The following SCAP variants were observed in gnomAD, a reference collection of about 807,000 sequenced individuals.
The protein encoded by SCAP is SREBF chaperone, also known as sterol regulatory element-binding protein cleavage-activating protein.
Under a neutral mutation model 123.6 loss-of-function variants are expected in SCAP, and 65 were observed. That is an observed-to-expected ratio of 0.53 (90% CI 0.43 to 0.65). The LOEUF (loss-of-function observed/expected upper bound fraction) is 0.65, where lower values mean the gene tolerates loss of function less well. Among genes scored for constraint, SCAP ranks in the 30% least tolerant of loss-of-function variants. SCAP has a pLI of 0.00. For missense variants in SCAP, 1,398 were observed against 1,712.5 expected, an observed-to-expected ratio of 0.82 and a Z score of 3.24; for synonymous variants, 740 against 726.3, an observed-to-expected ratio of 1.02 and a Z score of -0.30.
At chr3:47,443,341 T>A (rs957485504) in intron 1 of SCAP, 25 of 222,252 alleles carry the variant, frequency 1.1e-4, no homozygotes, top group Non-Finnish European at 2.0e-4. Flanking sequence ...CCCTCCTATA[T>A]TAGGCAATGC....
At chr3:47,417,072 C>T in intron 18 of SCAP, 50 bp downstream of exon 18, 2 of 1,543,320 alleles carry the variant, frequency 1.3e-6, no homozygotes, top group Admixed American at 1.7e-5. Context: ...AGAGTATGGC[C>T]TAGCCAACAA....
chr3:47,469,184 C>CA lies in SCAP; in HGVS notation c.-99+6614dup, dbSNP rs537108959. ...CCAACATGGTGAAACCCTATCTCTACAAAAAATACAAAAATTAGCCGGGTG... is the reference window on the plus strand; with the variant it reads ...CCAACATGGTGAAACCCTATCTCTACAAAAAAATACAAAAATTAGCCGGGTG... On this transcript the variant is annotated intron_variant, in intron 1 of 22. Coordinates refer to ENST00000265565, the MANE Select transcript of SCAP (RefSeq NM_012235.4). Among the ~76,000 whole-genome samples the CA allele has an allele frequency of 1.2e-3, 183 of 152,232 alleles. 2 individuals carry two copies. The South Asian group carries it at 0.037, about 31-fold the overall frequency.
chr3:47,472,420 G>A (rs1418846663), intron 1 of SCAP, among the ~76,000 whole-genome samples: 3 of 146,752 alleles, frequency 2.0e-5, no homozygotes, highest in Non-Finnish European at 3.0e-5. Context: ...CGGCCTGGGC[G>A]ACAGAGCGAG....
chr3:47,442,969 C>T lies in SCAP; in HGVS notation c.25G>A (p.Glu9Lys), dbSNP rs1412945953. The change falls in exon 2 of 23, where the codon GAG becomes AAG. Residue 9 changes from glutamate to lysine, a missense_variant. Around this residue, in one of 7 missense-constraint regions of SCAP, gnomAD observed 319 missense variants for 432.4 expected, o/e 0.74. Transcript: ENST00000265565. ...TTGTAGAAGGCCCGAGATATCTTCT[C>T]ACGCAGCCTTTCAGTCAGGGTCATC... MTLTERLR[E>K]KISRAFYNHG... The T allele has an allele frequency of 2.5e-6, 4 of 1,614,084 alleles. No homozygotes were observed. The highest frequency in any genetic ancestry group is 1.1e-5 in the South Asian group (1 of 91,078).
At chr3:47,443,207 A>T in intron 1 of SCAP, 116 bp from the exon 2 acceptor site, 4 of 593,090 alleles carry the variant, frequency 6.7e-6, no homozygotes, top group Non-Finnish European at 8.3e-6. Context: ...GCCTATATGC[A>T]AGGTCTAGTG....
chr3:47,469,304 G>A (rs772531598), intron 1 of SCAP, among the ~76,000 whole-genome samples: 7 of 152,168 alleles, frequency 4.6e-5, no homozygotes, highest in African/African-American at 7.2e-5. Context: ...CAGAGACCAC[G>A]CCGTTGCATT....
intron 1 of SCAP, among the ~76,000 whole-genome samples, chr3:47,467,497 TG>T (rs1707868378): frequency 6.6e-6 from 1 of 151,738 alleles, no homozygotes; most frequent in Non-Finnish European, 1.5e-5. Context: ...CCCAGCTACT[TG>T]GAAGACTGAG....
chr3:47,418,414 C>T lies in SCAP; in HGVS notation c.2238G>A (p.Gly746=). 1 of 1,578,320 alleles carries T rather than the reference C, an allele frequency of 6.3e-7. No individual in the cohort carries two copies. Among genetic ancestry groups the T allele is most frequent in the South Asian group, 1.1e-5 (1 of 87,134 alleles). The change falls in exon 15 of 23, where the codon GGG becomes GGA. Residue 746 remains glycine, a synonymous_variant. Coordinates refer to ENST00000265565, the MANE Select transcript of SCAP (RefSeq NM_012235.4). ...AGGGCAGCTCCCCGCGCCTCCGCCG[C>T]CCGGGCCCACCACCCAGCTGCCCGT... ...RNYGQLGGGP[G]RRRRGELPCD...
At chr3:47,425,877 T>A (rs1706105596) in intron 7 of SCAP, 120 bp downstream of exon 7, 2 of 1,168,352 alleles carry the variant, frequency 1.7e-6, no homozygotes, top group African/African-American at 3.1e-5. Context: ...CTAGCTCTGA[T>A]GACCACCAGG....
At position 47,435,062 on chromosome 3, in the gene SCAP, G is replaced by A. The variant is rs756719335; in HGVS notation, c.198C>T (p.Pro66=). Residue 66 remains proline, a synonymous_variant, in exon 3 of 23, where the codon CCC becomes CCT. Transcript: ENST00000265565. ...EFTTPVKDYS[P]PPVDSDRKQG... is the part of the protein sequence containing the mutation. ...GTTTGCGGTCAGAGTCCACAGGTGG[G>A]GGCGAGTAATCCTTCACAGGGGTGG... 6.2e-7 allele frequency: 1 copy of A among 1,614,024 alleles called. No homozygotes were observed. The highest frequency in any genetic ancestry group is 1.7e-5 in the Admixed American group (1 of 59,988).
At position 47,414,072 on chromosome 3, in the gene SCAP, C is replaced by T. The variant is rs371906022; in HGVS notation, c.3622G>A (p.Val1208Ile). ...QDLGCGASLG[V>I]ISDNLLVTGG... ...GTCACCAGCAGGTTGTCTGAGATGA[C>T]ACCCAAGCTTGCACCACAGCCCAGG... The change falls in exon 23 of 23, where the codon GTC (valine) becomes ATC (isoleucine). Residue 1208 changes from valine to isoleucine, a missense_variant. Around this residue, in one of 7 missense-constraint regions of SCAP, gnomAD observed 130 missense variants for 166.7 expected, o/e 0.78. Transcript: ENST00000265565. 15 of 1,613,402 alleles carry T rather than the reference C, an allele frequency of 9.3e-6. No homozygotes were observed. The highest frequency in any genetic ancestry group is 3.3e-4 in the Middle Eastern group (2 of 6,062).
chr3:47,414,157 C>G lies in SCAP; in HGVS notation c.3594+23G>C, dbSNP rs769791731. On this transcript the variant is annotated intron_variant, in intron 22 of 22. Coordinates refer to ENST00000265565, the MANE Select transcript of SCAP (RefSeq NM_012235.4). ...AGTCCTTCCCTAAAATCCCAAGAAT[C>G]CTATGATCCCCATCCCCTCTACCTG... is the stretch of plus-strand genomic sequence containing the variant. 1.1e-5 allele frequency: 17 copies of G among 1,613,644 alleles called. No homozygotes were observed. The East Asian group carries it at 3.6e-4, about 34-fold the overall frequency.
intron 10 of SCAP, among the ~76,000 whole-genome samples, chr3:47,422,142 C>T (rs1004969783): frequency 8.5e-5 from 13 of 152,280 alleles, no homozygotes; most frequent in Non-Finnish European, 1.9e-4. Context: ...GCAGCCTCCT[C>T]CTGCCACTTG....
chr3:47,430,756 C>T (rs374873133), intron 3 of SCAP, among the ~76,000 whole-genome samples: 2 of 152,296 alleles, frequency 1.3e-5, no homozygotes, highest in South Asian at 2.1e-4. Flanking sequence ...CCCTAGACAG[C>T]GGTGTACTGC....
Position 47,419,411 on chromosome 3 carries a change from A to T in SCAP, c.1857T>A (p.Pro619=). The change falls in exon 13 of 23, where the codon CCT becomes CCA. Residue 619 remains proline, a synonymous_variant. Coordinates refer to ENST00000265565, the MANE Select transcript of SCAP (RefSeq NM_012235.4). This position sits in a 1 kb window ranked among gnomAD's most constrained non-coding sequence, Gnocchi z 5.0. ...ATTTCCTCCAAAGTTCCTCATCCTC[A>T]GGCCCCCAGGTTACCTCTGGGACTG... ...DSPVPEVTWG[P]EDEELWRKLS... is the part of the protein sequence containing the mutation. The T allele has an allele frequency of 6.2e-7, 1 of 1,612,638 alleles. No homozygotes were observed. Among genetic ancestry groups the T allele is most frequent in the Non-Finnish European group, 8.5e-7 (1 of 1,179,648 alleles).
chr3:47,448,969 T>C (rs1707153200), intron 1 of SCAP, among the ~76,000 whole-genome samples: 4 of 152,228 alleles, frequency 2.6e-5, no homozygotes, highest in African/African-American at 9.6e-5. Flanking sequence ...ACGTAAAATT[T>C]TGAATTTGTC....
chr3:47,453,728 G>A (rs1272300032), intron 1 of SCAP, among the ~76,000 whole-genome samples: 1 of 151,946 alleles, frequency 6.6e-6, no homozygotes, highest in Non-Finnish European at 1.5e-5. Context: ...CCATCTAGAA[G>A]GCCCTCATGA....
chr3:47,439,066 G>A lies in SCAP; in HGVS notation c.122+3806C>T, dbSNP rs1253323413. 6.6e-6 allele frequency among the ~76,000 whole-genome samples: 1 copy of A among 152,022 alleles called. No individual in the cohort carries two copies. Among genetic ancestry groups the A allele is most frequent in the South Asian group, 2.1e-4 (1 of 4,820 alleles). On this transcript the variant is annotated intron_variant, in intron 2 of 22. Coordinates refer to ENST00000265565, the MANE Select transcript of SCAP (RefSeq NM_012235.4). The surrounding 1 kb of genome is among the most constrained non-coding windows in gnomAD (Gnocchi z 4.0). The stretch of plus-strand genomic sequence containing the variant: ...ACAGATACATCTTGACTTACGATGG[G>A]GTTATGTCCTGATAACGCTGTCGTA...
chr3:47,437,224 G>A (rs1341028593), intron 2 of SCAP, among the ~76,000 whole-genome samples: 2 of 152,058 alleles, frequency 1.3e-5, no homozygotes, highest in Admixed American at 1.3e-4. Flanking sequence ...TGGATCACCT[G>A]AGATCGGGAG....
Sources: gnomAD v4.1 joint callset for allele counts (sites outside exome capture counted in the v4.1 genomes callset) on GRCh38, gnomAD v4.1.1 for gene constraint, gnomAD v4.1.1 regional missense constraint, Gnocchi (gnomAD v3.1) non-coding constraint, MANE v1.5 for transcripts, NCBI Gene and HGNC (gene_info 2026-07-23, HGNC 2026-07-21) for gene names.